ERG: variants seen among roughly 807,000 people sequenced by gnomAD.
ERG encodes transcriptional regulator ERG.
In ERG, 9 loss-of-function variants were observed where a neutral mutation model predicts 55.3. The ratio of observed to expected loss-of-function variants is 0.16; its 90% CI spans 0.10 to 0.28. The LOEUF is 0.28. Among genes scored for constraint, ERG ranks in the 10% least tolerant of loss-of-function variants. The probability of loss-of-function intolerance (pLI) is 1.00; values close to 1 mark genes in which losing one functional copy is unlikely to be tolerated. For synonymous variants in ERG, 223 were observed against 237.3 expected (o/e 0.94, Z 0.55); for missense variants, 434 against 631.6 (o/e 0.69, Z 3.35).
chr21:38,582,754 T>G (rs1379957218), intron 1 of ERG, among the ~76,000 whole-genome samples: 1 of 146,920 alleles, frequency 6.8e-6, no homozygotes, highest in Non-Finnish European at 1.5e-5. Flanking sequence ...TGTTGCAACT[T>G]TTTTTTTTTT....
intron 6 of ERG, among the ~76,000 whole-genome samples, chr21:38,398,627 G>C (rs531092482): frequency 3.3e-5 from 5 of 152,132 alleles, no homozygotes; most frequent in Non-Finnish European, 5.9e-5. Context: ...TGGGCAGAGA[G>C]GGAGTCCCAA....
chr21:38,407,440 A>C (rs1379760170), intron 3 of ERG, among the ~76,000 whole-genome samples: 1 of 151,978 alleles, frequency 6.6e-6, no homozygotes, highest in East Asian at 1.9e-4. Context: ...GCACAGAAAG[A>C]AATTCAGAGG....
At chr21:38,599,646 C>T (rs1201734601) in intron 1 of ERG, among the ~76,000 whole-genome samples, 3 of 152,188 alleles carry the variant, frequency 2.0e-5, no homozygotes, top group African/African-American at 7.2e-5. Context: ...CTAACACCAG[C>T]TCCGGATGCA....
chr21:38,382,350 C>G lies in ERG; in HGVS notation c.*1053G>C, dbSNP rs1987483655. On this transcript the variant is annotated 3_prime_UTR_variant, in exon 10 of 10. Transcript: ENST00000288319. ...CCTGCGTGATTTCTGATTGTGGCAGCCAAGAAGGCCATCTCTTACCTGACC... is the reference window on the plus strand; with the variant it reads ...CCTGCGTGATTTCTGATTGTGGCAGGCAAGAAGGCCATCTCTTACCTGACC... 9.4e-7 allele frequency: 1 copy of G among 1,058,860 alleles called. No individual in the cohort carries two copies. The highest frequency in any genetic ancestry group is 1.1e-6 in the Non-Finnish European group (1 of 874,976). 65.6% of individuals were successfully genotyped at this position (1,058,860 alleles called of 1,614,324 possible). A position where few individuals can be genotyped will look rare whatever the true frequency, so the allele number is the denominator to read the frequency against.
At chr21:38,545,946 T>C (rs554433399) in intron 2 of ERG, among the ~76,000 whole-genome samples, 14 of 152,206 alleles carry the variant, frequency 9.2e-5, no homozygotes, top group Non-Finnish European at 1.8e-4. Context: ...TCTCTTCTCC[T>C]TTGGGTCCAA....
chr21:38,544,388 G>C (rs1265125964), intron 2 of ERG, among the ~76,000 whole-genome samples: 1 of 152,152 alleles, frequency 6.6e-6, no homozygotes, highest in Non-Finnish European at 1.5e-5. Flanking sequence ...TTGCAGAGAA[G>C]CGAGGACAAT....
At chr21:38,591,704 A>G (rs1403661102) in intron 1 of ERG, among the ~76,000 whole-genome samples, 1 of 152,110 alleles carries the variant, frequency 6.6e-6, no homozygotes, top group Non-Finnish European at 1.5e-5. Context: ...AAACCAACCA[A>G]CAAACAAACA....
chr21:38,424,673 C>T (rs1989737183), intron 2 of ERG, among the ~76,000 whole-genome samples: 1 of 152,200 alleles, frequency 6.6e-6, no homozygotes, highest in African/African-American at 2.4e-5. Flanking sequence ...AACGACGTTC[C>T]TTCTCAAAAC....
chr21:38,398,296 C>G lies in ERG; in HGVS notation c.745+2278G>C, dbSNP rs1009245590. 5.3e-5 allele frequency among the ~76,000 whole-genome samples: 8 copies of G among 150,320 alleles called. No homozygotes were observed. In the East Asian group the frequency reaches 1.5e-3, roughly 29 times the overall value. On this transcript the variant is annotated intron_variant, in intron 6 of 9. Transcript: ENST00000288319. ...GTTGATCGCTTAGCAATGGATGACC[C>G]GAGGTGTATAACTAGTTCTTATCTC...
chr21:38,445,023 T>C (rs2058876937), intron 2 of ERG, among the ~76,000 whole-genome samples: 1 of 152,182 alleles, frequency 6.6e-6, no homozygotes, highest in Non-Finnish European at 1.5e-5. Context: ...GAGTTCTTGG[T>C]AAATATACTA....
chr21:38,497,103 T>G (rs761316601), intron 1 of ERG, among the ~76,000 whole-genome samples: 1 of 152,224 alleles, frequency 6.6e-6, no homozygotes, highest in Non-Finnish European at 1.5e-5. Context: ...AAGTATAAGG[T>G]GAAAGTTCTT....
At chr21:38,479,451 T>A (rs867257575) in intron 1 of ERG, among the ~76,000 whole-genome samples, 1 of 152,162 alleles carries the variant, frequency 6.6e-6, no homozygotes, top group Non-Finnish European at 1.5e-5. Flanking sequence ...AGAAGTAGGA[T>A]CTTTGCAGAT....
In ERG at chr21:38,444,058, T is replaced by C. The variant is rs114828175; in HGVS notation, c.236+1346A>G. Reference sequence around the variant, plus strand: ...CCATCTGGCACGTCCAGCCTTGCCGTTGACATTCCCTCTAGGACACTGTGA... The same window carrying C: ...CCATCTGGCACGTCCAGCCTTGCCGCTGACATTCCCTCTAGGACACTGTGA... On this transcript the variant is annotated intron_variant, in intron 2 of 9. Transcript: ENST00000288319. Among the ~76,000 whole-genome samples the C allele has an allele frequency of 4.8e-3, 729 of 152,332 alleles. 5 individuals carry two copies. The highest frequency in any genetic ancestry group is 0.017 in the African/African-American group (691 of 41,568).
intron 1 of ERG, among the ~76,000 whole-genome samples, chr21:38,459,722 A>G (rs371042939): frequency 1.6e-4 from 24 of 152,194 alleles, no homozygotes; most frequent in African/African-American, 5.8e-4. Flanking sequence ...TTCCAGGAAT[A>G]AGAATATTCT....
Position 38,444,726 on chromosome 21 carries a change from G to GAA in ERG, c.236+676_236+677dup, listed in dbSNP as rs112449752. 9.0e-3 allele frequency among the ~76,000 whole-genome samples: 1,202 copies of GAA among 134,076 alleles called. 13 individuals carry two copies. Among genetic ancestry groups the GAA allele is most frequent in the East Asian group, 0.021 (101 of 4,778 alleles). The allele number at this position is 134,076 out of a possible 152,430, so 88.0% of individuals were successfully genotyped here. A position where few individuals can be genotyped will look rare whatever the true frequency, so the allele number is the denominator to read the frequency against. ...GGCTTTATGTGTAAGCTAAGAGGAG[G>GAA]AAAAAAAAAAAAAACAAACAGCAGG... On this transcript the variant is annotated intron_variant, in intron 2 of 9. Transcript: ENST00000288319.
At chr21:38,447,317 T>C (rs2146561441) in intron 1 of ERG, among the ~76,000 whole-genome samples, 1 of 151,830 alleles carries the variant, frequency 6.6e-6, no homozygotes, top group East Asian at 1.9e-4. Flanking sequence ...CATAAGTATC[T>C]GTAGAATTAC....
Position 38,627,946 on chromosome 21 carries a change from T to TTTC in ERG, c.-150+33711_-150+33712insGAA, listed in dbSNP as rs778088092. Among the ~76,000 whole-genome samples the TTTC allele has an allele frequency of 2.2e-4, 34 of 151,206 alleles. 1 individual carries two copies. In the South Asian group the frequency reaches 6.9e-3, roughly 31 times the overall value. On this transcript the variant is annotated intron_variant, in intron 1 of 10. Coordinates refer to the ERG transcript ENST00000398910. ...AAATGACAAGGAGTTTTCTCTTCTT[T>TTTC]TTTTTTTTTTTGTGAAACAGGGTTT... is the stretch of plus-strand genomic sequence containing the variant.
chr21:38,610,625 G>A (rs1378375846), intron 1 of ERG, among the ~76,000 whole-genome samples: 1 of 152,170 alleles, frequency 6.6e-6, no homozygotes, highest in African/African-American at 2.4e-5. Context: ...AGATTGAACT[G>A]CAATTGTACC....
chr21:38,636,157 T>C (rs965382478), intron 1 of ERG, among the ~76,000 whole-genome samples: 3 of 152,232 alleles, frequency 2.0e-5, no homozygotes, highest in African/African-American at 7.2e-5. Context: ...CCTGCTGCCA[T>C]GTGAAGAAGG....
Sources: allele counts gnomAD v4.1 joint callset (sites outside exome capture counted in the v4.1 genomes callset), GRCh38; gene constraint gnomAD v4.1.1; transcripts MANE v1.5; gene names NCBI Gene and HGNC (gene_info 2026-07-23, HGNC 2026-07-21).